NINJ2: variants seen among roughly 807,000 people sequenced by gnomAD.
NINJ2 encodes ninjurin 2, also known as ninjurin-2.
NINJ2 carries 12 observed loss-of-function variants against 11.7 expected under a neutral mutation model. The observed-to-expected ratio is 1.02, with a 90% CI of 0.66 to 1.66. The LOEUF is 1.66. NINJ2 is among the 40% of genes most tolerant of loss of function. The pLI is 0.00. For missense variants in NINJ2, 187 were observed against 181.8 expected (o/e 1.03, Z -0.16); for synonymous variants, 93 against 76.8 (o/e 1.21, Z -1.10).
chr12:588,583 AG>A (rs1659697199), intron 1 of NINJ2, among the ~76,000 whole-genome samples: 1 of 152,246 alleles, frequency 6.6e-6, no homozygotes, highest in Non-Finnish European at 1.5e-5. Flanking sequence ...TCATTCAGCC[AG>A]TAAGTTACAG....
chr12:620,182 G>A (rs758521383), intron 1 of NINJ2, among the ~76,000 whole-genome samples: 53 of 152,352 alleles, frequency 3.5e-4, no homozygotes, highest in Non-Finnish European at 2.4e-4. Context: ...ATAGCTGAGT[G>A]TCCATTCTAT....
chr12:641,879 G>C (rs935624037), intron 1 of NINJ2, among the ~76,000 whole-genome samples: 2 of 151,004 alleles, frequency 1.3e-5, no homozygotes, highest in African/African-American at 4.9e-5. Context: ...TGTAAGGGAA[G>C]TCTCTTCTAA....
chr12:625,039 G>T (rs1366075042), intron 1 of NINJ2, among the ~76,000 whole-genome samples: 1 of 149,478 alleles, frequency 6.7e-6, no homozygotes, highest in South Asian at 2.1e-4. Flanking sequence ...AACCTGGGAG[G>T]TGGAGGTTGC....
intron 1 of NINJ2, among the ~76,000 whole-genome samples, chr12:660,727 G>A (rs1340954369): frequency 1.3e-5 from 2 of 152,126 alleles, no homozygotes; most frequent in Non-Finnish European, 1.5e-5. Flanking sequence ...TTGGGAGGCC[G>A]AGGCTTGTGG....
At chr12:608,696 C>T (rs1947971901) in intron 1 of NINJ2, among the ~76,000 whole-genome samples, 1 of 150,396 alleles carries the variant, frequency 6.6e-6, no homozygotes, top group South Asian at 2.1e-4. Flanking sequence ...CACTAGCTAG[C>T]TGGCTTCAGC....
At chr12:606,743 C>T (rs1947946417) in intron 1 of NINJ2, among the ~76,000 whole-genome samples, 1 of 152,214 alleles carries the variant, frequency 6.6e-6, no homozygotes, top group African/African-American at 2.4e-5. Flanking sequence ...AATTGTCCTT[C>T]CTTTGCTCAC....
chr12:622,122 G>GA (rs71045087), intron 1 of NINJ2, among the ~76,000 whole-genome samples: 2,928 of 101,284 alleles, frequency 0.029, 138 homozygotes, highest in African/African-American at 0.096. Flanking sequence ...ACTGTGTCGG[G>GA]AAAAAAAAAA....
chr12:643,274 C>G, intron 1 of NINJ2: 1 of 228,162 alleles, frequency 4.4e-6, no homozygotes, highest in South Asian at 1.6e-4. Context: ...GTCCTGCCCT[C>G]CGGCGGCGCG....
At chr12:609,244 A>ACG (rs144344747) in intron 1 of NINJ2, among the ~76,000 whole-genome samples, 2,756 of 69,864 alleles carry the variant, frequency 0.039, 166 homozygotes, top group East Asian at 0.068. Flanking sequence ...GCACGGCGCC[A>ACG]CGCTAGGGGC....
chr12:661,357 A>T (rs1301316345), intron 1 of NINJ2, among the ~76,000 whole-genome samples: 1 of 152,254 alleles, frequency 6.6e-6, no homozygotes, highest in African/African-American at 2.4e-5. Flanking sequence ...CTAGGATTAC[A>T]GGCGTAGGCC....
intron 1 of NINJ2, among the ~76,000 whole-genome samples, chr12:573,828 G>T (rs1376344612): frequency 2.6e-5 from 4 of 152,312 alleles, no homozygotes; most frequent in African/African-American, 9.6e-5. Context: ...AAAGGCAAAA[G>T]GCTTGGGTTC....
chr12:605,621 C>G (rs1276204925), intron 1 of NINJ2, among the ~76,000 whole-genome samples: 2 of 152,204 alleles, frequency 1.3e-5, no homozygotes, highest in East Asian at 1.9e-4. Context: ...CTGGAGTCCA[C>G]TCAGCAAAGA....
chr12:628,297 T>G lies in NINJ2; in HGVS notation c.33+35031A>C, dbSNP rs536217388. Among the ~76,000 whole-genome samples, 20 of 151,634 alleles carry G rather than the reference T, an allele frequency of 1.3e-4. No individual in the cohort carries two copies. Among genetic ancestry groups the G allele is most frequent in the African/African-American group, 3.9e-4 (16 of 41,414 alleles). On this transcript the variant is annotated intron_variant, in intron 1 of 3. Transcript: ENST00000305108. This position sits in a 1 kb window ranked among gnomAD's most constrained non-coding sequence, Gnocchi z 4.4. The stretch of plus-strand genomic sequence containing the variant: ...TGTACTCTGAGATCTCTATGAGGAG[T>G]CTTCCTAGAGGGGAAGGGGGAAGCC...
intron 1 of NINJ2, chr12:610,726 A>ATTTTT: frequency 3.9e-6 from 1 of 253,988 alleles, no homozygotes; most frequent in Non-Finnish European, 5.2e-6. Flanking sequence ...CTGGAAATCT[A>ATTTTT]TTCTTTTTTT....
intron 1 of NINJ2, among the ~76,000 whole-genome samples, chr12:592,274 C>T (rs1747614128): frequency 6.6e-6 from 1 of 152,178 alleles, no homozygotes; most frequent in Non-Finnish European, 1.5e-5. Flanking sequence ...TCCTAGATAA[C>T]ATGAGGGAGT....
intron 1 of NINJ2, among the ~76,000 whole-genome samples, chr12:592,902 A>G (rs1370582334): frequency 6.6e-6 from 1 of 152,198 alleles, no homozygotes; most frequent in Non-Finnish European, 1.5e-5. Flanking sequence ...AGCAAGGAAG[A>G]ACAAAATTAA....
In NINJ2 at chr12:591,857, C is replaced by T. The variant is rs958668000; in HGVS notation, c.34-25679G>A. Among the ~76,000 whole-genome samples, 4 of 149,776 alleles carry T rather than the reference C, an allele frequency of 2.7e-5. No individual in the cohort carries two copies. Among genetic ancestry groups the T allele is most frequent in the South Asian group, 2.1e-4 (1 of 4,822 alleles). Reference sequence around the variant, plus strand: ...ACAGGAAAGCCTTCTGAAAGAGTGACGTGGCCGGCGGCAGGTATGGTGTGT... The same window carrying T: ...ACAGGAAAGCCTTCTGAAAGAGTGATGTGGCCGGCGGCAGGTATGGTGTGT... On this transcript the variant is annotated intron_variant, in intron 1 of 3. Coordinates refer to ENST00000305108, the MANE Select transcript of NINJ2 (RefSeq NM_016533.6). This position sits in a 1 kb window ranked among gnomAD's most constrained non-coding sequence, Gnocchi z 5.0.
At chr12:590,697 C>T (rs1947706074) in intron 1 of NINJ2, 1 of 152,046 alleles carries the variant, frequency 6.6e-6, no homozygotes, top group African/African-American at 2.4e-5. Flanking sequence ...AGGACACTAG[C>T]ACTTACTATC....
chr12:654,389 C>T (rs1437560434), intron 1 of NINJ2, among the ~76,000 whole-genome samples: 2 of 151,532 alleles, frequency 1.3e-5, no homozygotes, highest in Non-Finnish European at 2.9e-5. Context: ...GGCATGGTGG[C>T]ACATGCGTAT....
Sources: gnomAD v4.1 joint callset for allele counts (sites outside exome capture counted in the v4.1 genomes callset) on GRCh38, gnomAD v4.1.1 for gene constraint, Gnocchi (gnomAD v3.1) non-coding constraint, MANE v1.5 for transcripts, NCBI Gene and HGNC (gene_info 2026-07-23, HGNC 2026-07-21) for gene names.